Variants in GRXCR2 observed in about 807,000 individuals in gnomAD.
GRXCR2 encodes glutaredoxin domain-containing cysteine-rich protein 2.
Under a neutral mutation model 24.8 loss-of-function variants are expected in GRXCR2, and 23 were observed. The ratio of observed to expected loss-of-function variants is 0.93; its 90% CI spans 0.67 to 1.32. The LOEUF is 1.32. GRXCR2 is among the 40% of genes most tolerant of loss of function. GRXCR2 has a pLI of 0.00. For synonymous variants in GRXCR2, 130 were observed against 116.1 expected, an observed-to-expected ratio of 1.12 and a Z score of -0.77; for missense variants, 315 against 303.4, an observed-to-expected ratio of 1.04 and a Z score of -0.28.
chr5:145,901,387 C>A (rs1439904238), intron 2 of GRXCR2, among the ~76,000 whole-genome samples: 1 of 151,652 alleles, frequency 6.6e-6, no homozygotes, highest in Non-Finnish European at 1.5e-5. Flanking sequence ...GTTTACTAAC[C>A]CATTATAAAG....
At chr5:145,926,235 T>C (rs1757393418) in intron 2 of GRXCR2, among the ~76,000 whole-genome samples, 2 of 152,108 alleles carry the variant, frequency 1.3e-5, no homozygotes, top group South Asian at 4.1e-4. Flanking sequence ...GCTGTGAAGT[T>C]TATTATTTTT....
At chr5:145,891,774 T>G (rs534377491) in intron 2 of GRXCR2, among the ~76,000 whole-genome samples, 140 of 152,242 alleles carry the variant, frequency 9.2e-4, no homozygotes, top group African/African-American at 3.2e-3. Flanking sequence ...CTGACAGCTT[T>G]GAAGAGAGTG....
rs373893355 is a variant in GRXCR2 at position 145,892,109 on chromosome 5, C to T, written c.-69-25381G>A. ...AAGGAAAACTAACAAACAGAAAGGA[C>T]ATCCACACCAAAACCCCATCTGTAC... On this transcript the variant is annotated intron_variant, in intron 2 of 3. Coordinates refer to the GRXCR2 transcript ENST00000639411. Among the ~76,000 whole-genome samples, 7 of 152,176 alleles carry T rather than the reference C, an allele frequency of 4.6e-5. No homozygotes were observed. The East Asian group carries it at 1.2e-3, about 25-fold the overall frequency.
At chr5:145,858,316 C>CAAGAAAA (rs1756274300), downstream of GRXCR2, among the ~76,000 whole-genome samples, 3 of 121,334 alleles carry the variant, frequency 2.5e-5, no homozygotes, top group Non-Finnish European at 3.4e-5. Context: ...CTGTCTCCCA[C>CAAGAAAA]AAAAAAAAAA....
At chr5:145,863,047 T>C (rs1362094160) in intron 2 of GRXCR2, among the ~76,000 whole-genome samples, 1 of 152,226 alleles carries the variant, frequency 6.6e-6, no homozygotes, top group Admixed American at 6.5e-5. Flanking sequence ...TCAAATTCAC[T>C]GAGCACAAAG....
At chr5:145,883,409 A>G (rs1040104172) in intron 2 of GRXCR2, among the ~76,000 whole-genome samples, 1 of 152,196 alleles carries the variant, frequency 6.6e-6, no homozygotes, top group Non-Finnish European at 1.5e-5. Flanking sequence ...AAATACTTAA[A>G]TCCTCAACAT....
intron 2 of GRXCR2, among the ~76,000 whole-genome samples, chr5:145,901,064 C>T (rs1156831615): frequency 4.0e-5 from 6 of 151,038 alleles, no homozygotes. Flanking sequence ...CCAAATCCCA[C>T]ATGTTTTCAC....
chr5:145,872,788 T>C lies in GRXCR2; in HGVS notation c.181A>G (p.Met61Val), dbSNP rs773073980. 8 of 1,614,184 alleles carry C rather than the reference T, an allele frequency of 5.0e-6. No individual in the cohort carries two copies. The highest frequency in any genetic ancestry group is 1.3e-5 in the African/African-American group (1 of 75,046). Residue 61 changes from methionine to valine, a missense_variant, in exon 1 of 3, where the codon ATG (methionine) becomes GTG (valine). Physicochemically the swap from Met to Val is conservative, Grantham distance 21 (BLOSUM62 1). Transcript: ENST00000377976. The stretch of plus-strand genomic sequence containing the variant: ...TCCCCAGACCCATAAACACCATCCA[T>C]TGTTTCAAGAGACTCTTGCAGAAAA... ...HSFLQESLET[M>V]DGVYGSGEVP...
Position 145,872,972 on chromosome 5 carries a change from CA to C in GRXCR2, c.-5del. 4.3e-6 allele frequency: 7 copies of C among 1,613,128 alleles called. No individual in the cohort carries two copies. The highest frequency in any genetic ancestry group is 5.9e-6 in the Non-Finnish European group (7 of 1,179,198). Reference sequence around the variant, plus strand: ...GCTTTTTCTCAGGGTCCTCCATCAGCAGAAAGTTGACCCTGTGGTCTCCAGC... The same window carrying C: ...GCTTTTTCTCAGGGTCCTCCATCAGCGAAAGTTGACCCTGTGGTCTCCAGC... On this transcript the variant is annotated 5_prime_UTR_variant, in exon 1 of 3. Coordinates refer to ENST00000377976, the MANE Select transcript of GRXCR2 (RefSeq NM_001080516.2).
At chr5:145,861,113 A>G (rs747418180) in intron 2 of GRXCR2, among the ~76,000 whole-genome samples, 6 of 151,714 alleles carry the variant, frequency 4.0e-5, no homozygotes, top group Non-Finnish European at 8.8e-5. Context: ...TCTCAAATCC[A>G]TCCTGCTTTC....
In GRXCR2 at chr5:145,930,052, G is replaced by A. The variant is rs529273523; in HGVS notation, c.-70+5649C>T. ...ACACCAAGGAGAAAGCCTCAGTTTT[G>A]GGCTAGTCTTTATTTATTTATTTAT... On this transcript the variant is annotated intron_variant, in intron 2 of 3. Coordinates refer to the GRXCR2 transcript ENST00000639411. Among the ~76,000 whole-genome samples, 8 of 134,906 alleles carry A rather than the reference G, an allele frequency of 5.9e-5. No individual in the cohort carries two copies. In the South Asian group the frequency reaches 1.6e-3, roughly 27 times the overall value. 88.5% of individuals were successfully genotyped at this position (134,906 alleles called of 152,430 possible).
rs1210956428 is a variant in GRXCR2 at position 145,866,538 on chromosome 5, T to G, written c.527A>C (p.Glu176Ala). ...GRDQHDRPLV[E>A]AESTLPQNRY... ...GTTTTGGGGTAATGTGCTTTCTGCC[T>G]CCACCAAAGGTCTATCGTGCTGGTC... The change falls in exon 2 of 3, where the codon GAG (glutamate) becomes GCG (alanine). Residue 176 changes from glutamate to alanine, a missense_variant. Transcript: ENST00000377976. 6.2e-7 allele frequency: 1 copy of G among 1,613,998 alleles called. No homozygotes were observed. Among genetic ancestry groups the G allele is most frequent in the African/African-American group, 1.3e-5 (1 of 74,926 alleles).
upstream of GRXCR2, among the ~76,000 whole-genome samples, chr5:145,873,685 A>G (rs1248666262): frequency 2.0e-5 from 3 of 152,188 alleles, no homozygotes; most frequent in Non-Finnish European, 4.4e-5. Context: ...TAAGAACAGG[A>G]GAAGGCCGAG....
At chr5:145,929,198 C>CATATATATATATATATATATATATAT (rs1554107328) in intron 2 of GRXCR2, among the ~76,000 whole-genome samples, 1,043 of 88,008 alleles carry the variant, frequency 0.012, 78 homozygotes, top group East Asian at 0.036. Context: ...AATATTCCCC[C>CATATATATATATATATATATATATAT]CTATATATAT....
intron 2 of GRXCR2, among the ~76,000 whole-genome samples, chr5:145,900,232 G>A (rs1217672049): frequency 6.6e-6 from 1 of 152,120 alleles, no homozygotes; most frequent in Admixed American, 6.6e-5. Context: ...CTGATAGTGA[G>A]TTCTTACGAG....
chr5:145,876,348 C>T (rs1205270909), upstream of GRXCR2, among the ~76,000 whole-genome samples: 1 of 150,016 alleles, frequency 6.7e-6, no homozygotes, highest in Non-Finnish European at 1.5e-5. Flanking sequence ...GCAACCTTAG[C>T]TCACTGCAAC....
chr5:145,890,995 A>C (rs1478170540), intron 2 of GRXCR2, among the ~76,000 whole-genome samples: 1 of 152,224 alleles, frequency 6.6e-6, no homozygotes, highest in Non-Finnish European at 1.5e-5. Context: ...GATAAAAGAG[A>C]CTTTAAACCA....
At chr5:145,920,124 T>C (rs1398502758) in intron 2 of GRXCR2, among the ~76,000 whole-genome samples, 2 of 152,120 alleles carry the variant, frequency 1.3e-5, no homozygotes, top group Non-Finnish European at 2.9e-5. Context: ...ATTGATGTAG[T>C]CAAAATAAGG....
intron 2 of GRXCR2, among the ~76,000 whole-genome samples, chr5:145,907,898 T>C (rs1261987206): frequency 1.3e-5 from 2 of 152,294 alleles, no homozygotes; most frequent in East Asian, 3.9e-4. Flanking sequence ...CCGGTGTTTG[T>C]TTCTATCATG....
Sources: allele counts gnomAD v4.1 joint callset (sites outside exome capture counted in the v4.1 genomes callset), GRCh38; gene constraint gnomAD v4.1.1; transcripts MANE v1.5; gene names NCBI Gene and HGNC (gene_info 2026-07-23, HGNC 2026-07-21).